CAND1: variants seen among roughly 807,000 people sequenced by gnomAD.
CAND1 encodes the protein cullin-associated NEDD8-dissociated protein 1.
CAND1 carries 7 observed loss-of-function variants against 108.5 expected under a neutral mutation model. That is an observed-to-expected ratio of 0.06 (90% CI 0.04 to 0.12). The LOEUF is 0.12. Ranked by LOEUF, CAND1 falls within the 10% of genes least tolerant of loss-of-function variation. The pLI, the probability that CAND1 is intolerant of heterozygous loss-of-function variation, is 1.00. For synonymous variants in CAND1, 534 were observed against 512.0 expected, an observed-to-expected ratio of 1.04 and a Z score of -0.58; for missense variants, 941 against 1,448.7, an observed-to-expected ratio of 0.65 and a Z score of 5.69.
intron 4 of CAND1, 190 bp from the exon 5 acceptor site, chr12:67,297,216 CA>C: frequency 3.0e-6 from 2 of 672,620 alleles, no homozygotes; most frequent in Non-Finnish European, 5.3e-6. Context: ...TTCAGTGCTG[CA>C]TTCACTTAGC....
chr12:67,279,044 A>G (rs1592604254), intron 1 of CAND1, among the ~76,000 whole-genome samples: 1 of 152,116 alleles, frequency 6.6e-6, no homozygotes, highest in Non-Finnish European at 1.5e-5. Flanking sequence ...ACAGTGTATG[A>G]GTATATAACG....
intron 2 of CAND1, among the ~76,000 whole-genome samples, chr12:67,291,637 T>A (rs1365342464): frequency 1.3e-5 from 2 of 152,206 alleles, no homozygotes; most frequent in African/African-American, 2.4e-5. Flanking sequence ...GGTAATTTTA[T>A]ATGATATTTT....
At chr12:67,269,949 T>C (rs192101789) in intron 1 of CAND1, 164 bp downstream of exon 1, 1 of 571,102 alleles carries the variant, frequency 1.8e-6, no homozygotes, top group Non-Finnish European at 3.1e-6. Context: ...GCGGAGCCCC[T>C]TTCCTCTCCC....
At position 67,309,923 on chromosome 12, in the gene CAND1, A is replaced by G. The variant is rs2044930905; in HGVS notation, c.3048A>G (p.Glu1016=). 3 of 1,602,748 alleles carry G rather than the reference A, an allele frequency of 1.9e-6. No individual in the cohort carries two copies. The African/African-American group carries it at 4.0e-5, about 22-fold the overall frequency. The part of the protein sequence containing the change: ...NCIGDFLKTL[E]DPDLNVRRVA... Reference sequence around the variant, plus strand: ...CAGGTGATTTCCTAAAAACTTTGGAAGACCCAGATTTGAATGTGAGAAGAG... The same window carrying G: ...CAGGTGATTTCCTAAAAACTTTGGAGGACCCAGATTTGAATGTGAGAAGAG... Residue 1016 remains glutamate (E), a synonymous_variant, in exon 12 of 15, where the codon GAA becomes GAG. Coordinates refer to ENST00000545606, the MANE Select transcript of CAND1 (RefSeq NM_018448.5).
At chr12:67,272,149 T>A (rs1423528934) in intron 1 of CAND1, among the ~76,000 whole-genome samples, 4 of 152,232 alleles carry the variant, frequency 2.6e-5, no homozygotes, top group African/African-American at 9.7e-5. Flanking sequence ...CATTATGGAA[T>A]GACCAACATG....
intron 2 of CAND1, among the ~76,000 whole-genome samples, chr12:67,289,689 C>T (rs771920581): frequency 1.3e-5 from 2 of 152,184 alleles, no homozygotes; most frequent in Non-Finnish European, 2.9e-5. Flanking sequence ...AAAGCTAGAA[C>T]TCTTTAAATT....
At position 67,269,644 on chromosome 12, in the gene CAND1, G is replaced by A. The variant is rs998422545; in HGVS notation, c.-74G>A. On this transcript the variant is annotated 5_prime_UTR_variant, in exon 1 of 15. Coordinates refer to ENST00000545606, the MANE Select transcript of CAND1 (RefSeq NM_018448.5). ...CGCGAGCGAGAGGAGGAGCTCCAGT[G>A]GCGGCGGCGGCGGCGGCAGCGGCAG... The A allele has an allele frequency of 3.3e-5, 40 of 1,200,220 alleles. No homozygotes were observed. The highest frequency in any genetic ancestry group is 3.6e-5 in the Non-Finnish European group (30 of 841,008). The allele number at this position is 1,200,220 out of a possible 1,614,324, so 74.3% of individuals were successfully genotyped here.
intron 8 of CAND1, 150 bp from the exon 9 acceptor site, chr12:67,304,454 CT>C: frequency 1.4e-6 from 1 of 701,864 alleles, no homozygotes; most frequent in Non-Finnish European, 2.3e-6. Flanking sequence ...CAAACTTGAT[CT>C]TGTGTTAGCA....
chr12:67,269,590 C>T lies in CAND1; in HGVS notation c.-128C>T. On this transcript the variant is annotated 5_prime_UTR_variant, in exon 1 of 15. Transcript: ENST00000545606. ...GCGCCTCCCTAGTCAGCGTCGGCGT[C>T]GCGCTGCGACCCTGGAAGCGGGAGC... 5.4e-6 allele frequency: 4 copies of T among 733,954 alleles called. No individual in the cohort carries two copies. Among genetic ancestry groups the T allele is most frequent in the Non-Finnish European group, 8.8e-6 (4 of 455,358 alleles). The allele number at this position is 733,954 out of a possible 1,614,324, so 45.5% of individuals were successfully genotyped here. A position where few individuals can be genotyped will look rare whatever the true frequency, so the allele number is the denominator to read the frequency against.
chr12:67,311,619 A>T (rs2044951211), intron 13 of CAND1, 74 bp from the exon 14 acceptor site: 2 of 900,492 alleles, frequency 2.2e-6, no homozygotes, highest in Admixed American at 3.7e-5. Context: ...CCTTTAAAGG[A>T]TTTGTCAGAA....
intron 2 of CAND1, among the ~76,000 whole-genome samples, chr12:67,289,755 C>G (rs1442665473): frequency 9.9e-5 from 15 of 152,140 alleles, no homozygotes; most frequent in Non-Finnish European, 1.5e-5. Flanking sequence ...TATATTCGGT[C>G]TCTCCATGTA....
rs1309992703 is a variant in CAND1, at chr12:67,318,772, A to T, written c.*5942A>T. 6.6e-6 allele frequency: 1 copy of T among 152,248 alleles called. No homozygotes were observed. The highest frequency in any genetic ancestry group is 1.5e-5 in the Non-Finnish European group (1 of 68,060). 9.4% of individuals were successfully genotyped at this position (152,248 alleles called of 1,614,324 possible). On this transcript the variant is annotated 3_prime_UTR_variant, in exon 15 of 15. Coordinates refer to ENST00000545606, the MANE Select transcript of CAND1 (RefSeq NM_018448.5). ...GATATGAAGAAGCTTGCTGATTATC[A>T]TGGGAAGACTGACATAAGGAAGCAC... is the stretch of plus-strand genomic sequence containing the variant.
chr12:67,310,238 C>G lies in CAND1; in HGVS notation c.3282C>G (p.Asp1094Glu). 1 of 1,611,692 alleles carries G rather than the reference C, an allele frequency of 6.2e-7. No individual in the cohort carries two copies. The highest frequency in any genetic ancestry group is 8.5e-7 in the Non-Finnish European group (1 of 1,178,074). ...AAFECMYTLL[D>E]SCLDRLDIFE... ...TTGAGTGTATGTACACACTTCTAGA[C>G]AGTTGTCTTGATAGACTTGATATCT... Residue 1094 changes from aspartate to glutamate, a missense_variant, in exon 13 of 15, where the codon GAC becomes GAG. By Grantham distance (45) the Asp-to-Glu change is conservative. This residue lies in a region of CAND1 where 14 missense variants were observed against 16.2 expected (regional missense o/e 0.87). Transcript: ENST00000545606.
At position 67,317,079 on chromosome 12, in the gene CAND1, G is replaced by A. The variant is rs1256892286; in HGVS notation, c.*4249G>A. ...AGGATTACATATAATGAGAAGACGT[G>A]TGGGCTGAAATACCTAGTGAACAAT... On this transcript the variant is annotated 3_prime_UTR_variant, in exon 15 of 15. Coordinates refer to ENST00000545606, the MANE Select transcript of CAND1 (RefSeq NM_018448.5). 6.6e-6 allele frequency: 1 copy of A among 152,198 alleles called. No homozygotes were observed. The highest frequency in any genetic ancestry group is 1.5e-5 in the Non-Finnish European group (1 of 68,032). 9.4% of individuals were successfully genotyped at this position (152,198 alleles called of 1,614,324 possible). A position where few individuals can be genotyped will look rare whatever the true frequency, so the allele number is the denominator to read the frequency against.
intron 10 of CAND1, 25 bp from the exon 11 acceptor site, chr12:67,307,372 A>G (rs1194312454): frequency 1.9e-6 from 3 of 1,552,084 alleles, no homozygotes; most frequent in South Asian, 1.1e-5. Context: ...ACATACCAAT[A>G]GACTTGCAAT....
At chr12:67,286,016 T>C (rs2044667348) in intron 2 of CAND1, among the ~76,000 whole-genome samples, 1 of 152,148 alleles carries the variant, frequency 6.6e-6, no homozygotes, top group Non-Finnish European at 1.5e-5. Flanking sequence ...TTTATTATTA[T>C]TGTTTTTTTG....
chr12:67,307,365 T>C (rs756151165), intron 10 of CAND1, 32 bp from the exon 11 acceptor site: 1 of 1,501,610 alleles, frequency 6.7e-7, no homozygotes, highest in Non-Finnish European at 9.3e-7. Context: ...GTGGACTACA[T>C]ACCAATAGAC....
chr12:67,294,977 A>G, intron 3 of CAND1, 56 bp from the exon 4 acceptor site: 2 of 1,573,960 alleles, frequency 1.3e-6, no homozygotes, highest in Non-Finnish European at 1.7e-6. Context: ...CCATGAATAT[A>G]AGAGGGAATT....
At chr12:67,291,924 G>A (rs1313960424) in intron 2 of CAND1, among the ~76,000 whole-genome samples, 2 of 152,136 alleles carry the variant, frequency 1.3e-5, no homozygotes, top group African/African-American at 4.8e-5. Flanking sequence ...GAGTGCAGTG[G>A]TACAATCTCG....
Sources: gnomAD v4.1 joint callset for allele counts (sites outside exome capture counted in the v4.1 genomes callset) on GRCh38, gnomAD v4.1.1 for gene constraint, gnomAD v4.1.1 regional missense constraint, MANE v1.5 for transcripts, NCBI Gene and HGNC (gene_info 2026-07-23, HGNC 2026-07-21) for gene names.